CCDC3: variants seen among roughly 807,000 people sequenced by gnomAD.
The protein encoded by CCDC3 is coiled-coil domain containing 3.
A neutral mutation model predicts 21.4 loss-of-function variants in CCDC3; 24 were observed. The observed-to-expected ratio is 1.12, with a 90% CI of 0.81 to 1.58. CCDC3 has a LOEUF of 1.58. Ranked by LOEUF, CCDC3 falls within the 40% of genes most tolerant of loss-of-function variation. CCDC3 has a pLI of 0.00. For synonymous variants in CCDC3, 186 were observed against 166.0 expected (o/e 1.12, Z -0.93); for missense variants, 425 against 360.9 (o/e 1.18, Z -1.44).
intron 2 of CCDC3, among the ~76,000 whole-genome samples, chr10:12,980,236 T>C (rs1334329696): frequency 6.6e-6 from 1 of 152,160 alleles, no homozygotes; most frequent in Admixed American, 6.5e-5. Flanking sequence ...GGGGGAAGCA[T>C]GGCTCTGCCA....
chr10:13,035,590 G>C (rs1463199428), intron 5 of CCDC3, among the ~76,000 whole-genome samples: 1 of 152,122 alleles, frequency 6.6e-6, no homozygotes, highest in African/African-American at 2.4e-5. Flanking sequence ...ATGTTCCATT[G>C]AACCAACCAT....
intron 2 of CCDC3, among the ~76,000 whole-genome samples, chr10:12,981,926 C>T (rs1181143366): frequency 1.3e-5 from 2 of 151,622 alleles, no homozygotes; most frequent in Non-Finnish European, 2.9e-5. Flanking sequence ...AAATCAAGAC[C>T]ATCCTGGCCA....
At chr10:12,908,827 G>A (rs1356513238) in intron 2 of CCDC3, among the ~76,000 whole-genome samples, 1 of 152,036 alleles carries the variant, frequency 6.6e-6, no homozygotes, top group East Asian at 1.9e-4. Flanking sequence ...TCCTGACCTC[G>A]TGGTCCATCC....
At chr10:12,934,325 T>C (rs1484419663) in intron 2 of CCDC3, among the ~76,000 whole-genome samples, 3 of 152,234 alleles carry the variant, frequency 2.0e-5, no homozygotes, top group Admixed American at 2.0e-4. Context: ...TTATATGATC[T>C]CTATTCTTTT....
intron 3 of CCDC3, among the ~76,000 whole-genome samples, chr10:13,079,697 G>C (rs1222279301): frequency 6.6e-6 from 1 of 152,184 alleles, no homozygotes; most frequent in African/African-American, 2.4e-5. Flanking sequence ...CAAACGTCCA[G>C]TAGTAAAAAG....
At chr10:12,938,051 C>G (rs529421356) in intron 2 of CCDC3, among the ~76,000 whole-genome samples, 2 of 152,274 alleles carry the variant, frequency 1.3e-5, no homozygotes, top group East Asian at 3.9e-4. Context: ...ATCTTCAACC[C>G]ACATGGAATT....
intron 2 of CCDC3, among the ~76,000 whole-genome samples, chr10:12,905,460 G>C (rs1197658970): frequency 6.6e-6 from 1 of 152,204 alleles, no homozygotes; most frequent in Non-Finnish European, 1.5e-5. Context: ...TTGGAGGGCA[G>C]CTGGTCTACA....
At chr10:13,057,326 G>A (rs1158864282) in intron 4 of CCDC3, among the ~76,000 whole-genome samples, 1 of 151,696 alleles carries the variant, frequency 6.6e-6, no homozygotes, top group Non-Finnish European at 1.5e-5. Flanking sequence ...ATAATGAGGG[G>A]ACAAGAAGAC....
intron 5 of CCDC3, among the ~76,000 whole-genome samples, chr10:13,008,953 A>G (rs1374610765): frequency 6.6e-6 from 1 of 152,194 alleles, no homozygotes; most frequent in Non-Finnish European, 1.5e-5. Flanking sequence ...CATAAAATAA[A>G]ATAAAAAGCA....
chr10:12,962,567 C>A (rs1241480826), intron 2 of CCDC3, among the ~76,000 whole-genome samples: 2 of 152,178 alleles, frequency 1.3e-5, no homozygotes, highest in African/African-American at 4.8e-5. Flanking sequence ...CGCACCACTG[C>A]ACTCCAGCCT....
chr10:13,069,549 C>G (rs1204247970), intron 4 of CCDC3, among the ~76,000 whole-genome samples: 1 of 152,056 alleles, frequency 6.6e-6, no homozygotes, highest in Non-Finnish European at 1.5e-5. Context: ...AACAGACTTC[C>G]CAAAATCAAA....
chr10:13,001,612 CG>C lies in CCDC3; in HGVS notation c.-43del, dbSNP rs1835857211. On this transcript the variant is annotated 5_prime_UTR_variant, in exon 1 of 3. Transcript: ENST00000378825. ...GCGCACGGGGCGGCGGCGGGGAGCC[CG>C]GGGAGCCCGCCGGCCCGGGAAGGGC... The C allele has an allele frequency of 9.0e-7, 1 of 1,109,748 alleles. No homozygotes were observed. Among genetic ancestry groups the C allele is most frequent in the Non-Finnish European group, 1.1e-6 (1 of 910,750 alleles). 68.7% of individuals were successfully genotyped at this position (1,109,748 alleles called of 1,614,324 possible).
At chr10:13,030,686 G>A (rs1244978025) in intron 5 of CCDC3, among the ~76,000 whole-genome samples, 2 of 151,946 alleles carry the variant, frequency 1.3e-5, no homozygotes, top group Non-Finnish European at 2.9e-5. Flanking sequence ...AAAAGCAGAG[G>A]TTGCAATCCT....
At chr10:13,064,157 C>T (rs1836795947) in intron 4 of CCDC3, among the ~76,000 whole-genome samples, 1 of 152,118 alleles carries the variant, frequency 6.6e-6, no homozygotes, top group African/African-American at 2.4e-5. Flanking sequence ...ATCTCCTGAC[C>T]TCGTGATCCA....
At position 12,998,348 on chromosome 10, in the gene CCDC3, T is replaced by C. The variant is rs756404795; in HGVS notation, c.539A>G (p.Glu180Gly). Residue 180 changes from glutamate (E) to glycine (G), a missense_variant, in exon 2 of 3, where the codon GAA becomes GGA. Transcript: ENST00000378825. ...ATFSSDWEIQ[E>G]DSRLMCSSVQ... Reference sequence around the variant, plus strand: ...TTAGCCAATTCTTACCCTACTGTCTTCCTGGATTTCCCAGTCACTGGAGAA... The same window carrying C: ...TTAGCCAATTCTTACCCTACTGTCTCCCTGGATTTCCCAGTCACTGGAGAA... The C allele has an allele frequency of 1.9e-6, 3 of 1,614,008 alleles. No homozygotes were observed. Among genetic ancestry groups the C allele is most frequent in the Non-Finnish European group, 2.5e-6 (3 of 1,180,004 alleles).
At chr10:13,011,248 T>G (rs1225038655) in intron 5 of CCDC3, among the ~76,000 whole-genome samples, 1 of 150,894 alleles carries the variant, frequency 6.6e-6, no homozygotes, top group African/African-American at 2.4e-5. Flanking sequence ...AATCAAACTA[T>G]CCCTGTTTTC....
At chr10:12,936,024 G>T (rs1450794373) in intron 2 of CCDC3, among the ~76,000 whole-genome samples, 2 of 151,730 alleles carry the variant, frequency 1.3e-5, no homozygotes, top group Non-Finnish European at 2.9e-5. Flanking sequence ...GATCAATGAA[G>T]ATGACAGACA....
At chr10:12,920,799 G>A (rs1021135160) in intron 2 of CCDC3, among the ~76,000 whole-genome samples, 2 of 152,172 alleles carry the variant, frequency 1.3e-5, no homozygotes, top group East Asian at 1.9e-4. Context: ...CTAAGTCCCC[G>A]TGACAAGTGA....
In CCDC3 at chr10:13,044,612, C is replaced by T. The variant is rs143283351; in HGVS notation, c.-2+5062G>A. ...TTTATTGAATAGGGAGTCCTTTCCC[C>T]ATTGCTTATTTTTGTTGACTTTGTT... On this transcript the variant is annotated intron_variant, in intron 5 of 6. Transcript: ENST00000378839. 6.4e-3 allele frequency among the ~76,000 whole-genome samples: 972 copies of T among 152,256 alleles called. 9 individuals carry two copies. The highest frequency in any genetic ancestry group is 9.2e-3 in the Non-Finnish European group (627 of 68,020).
Sources: gnomAD v4.1 joint callset for allele counts (sites outside exome capture counted in the v4.1 genomes callset) on GRCh38, gnomAD v4.1.1 for gene constraint, MANE v1.5 for transcripts, NCBI Gene and HGNC (gene_info 2026-07-23, HGNC 2026-07-21) for gene names.